Variants in LMBRD1 observed in about 807,000 individuals in gnomAD.
LMBRD1 encodes the protein LMBR1 domain containing 1, also known as lysosomal cobalamin transport escort protein LMBD1.
A neutral mutation model predicts 74.8 loss-of-function variants in LMBRD1; 64 were observed. That is an observed-to-expected ratio of 0.86 (90% CI 0.70 to 1.05). The LOEUF is 1.05. Ranked by LOEUF, LMBRD1 falls within the 50% of genes least tolerant of loss-of-function variation. The probability of loss-of-function intolerance (pLI) is 0.00; values close to 1 mark genes in which losing one functional copy is unlikely to be tolerated. For missense variants in LMBRD1, 652 were observed against 645.9 expected (o/e 1.01, Z -0.10); for synonymous variants, 204 against 216.3 (o/e 0.94, Z 0.50).
In LMBRD1 at chr6:69,699,138, T is replaced by C. The variant is rs752707378; in HGVS notation, c.1243A>G (p.Met415Val). The part of the protein sequence containing the change: ...TRPQALLFLC[M>V]ILLLIVLHTS... ...TGAAGGACAATAAGCAGAAGTATCA[T>C]GCAGAGAAAAAGGAGTGCTTGGGGC... Residue 415 changes from methionine (M) to valine (V), a missense_variant, in exon 13 of 16, where the codon ATG (methionine) becomes GTG (valine). Coordinates refer to ENST00000649934, the MANE Select transcript of LMBRD1 (RefSeq NM_018368.4). 6.2e-6 allele frequency: 10 copies of C among 1,611,434 alleles called. No homozygotes were observed. The highest frequency in any genetic ancestry group is 8.5e-6 in the Non-Finnish European group (10 of 1,177,990).
chr6:69,736,857 T>C (rs9364054), intron 7 of LMBRD1, among the ~76,000 whole-genome samples: 51,283 of 152,034 alleles, frequency 0.34, 9,718 homozygotes, highest in East Asian at 0.54. Context: ...GACTACTTCT[T>C]AAAAGACAAC....
At chr6:69,684,957 G>A (rs1765732778) in intron 14 of LMBRD1, among the ~76,000 whole-genome samples, 1 of 152,040 alleles carries the variant, frequency 6.6e-6, no homozygotes, top group Non-Finnish European at 1.5e-5. Flanking sequence ...TTAGAATGTG[G>A]TTCAATTCTA....
rs1225652209 is a variant in LMBRD1, at chr6:69,796,907, G to A, written c.-26C>T. On this transcript the variant is annotated 5_prime_UTR_variant, in exon 1 of 16. Transcript: ENST00000649934. Reference sequence around the variant, plus strand: ...CTTCGCTTCCGGTCCAGACCAACCTGAGCGCCCGGGGTGGGGAAAGGGGAG... The same window carrying A: ...CTTCGCTTCCGGTCCAGACCAACCTAAGCGCCCGGGGTGGGGAAAGGGGAG... The A allele has an allele frequency of 1.9e-6, 3 of 1,606,842 alleles. No homozygotes were observed. The highest frequency in any genetic ancestry group is 2.6e-6 in the Non-Finnish European group (3 of 1,175,388).
chr6:69,739,903 C>A (rs1395888403), intron 6 of LMBRD1, among the ~76,000 whole-genome samples: 1 of 152,118 alleles, frequency 6.6e-6, no homozygotes, highest in Non-Finnish European at 1.5e-5. Context: ...GTCAGGAGTT[C>A]GAGACCAGCC....
chr6:69,682,506 A>G (rs1436396400), intron 14 of LMBRD1, among the ~76,000 whole-genome samples: 2 of 151,958 alleles, frequency 1.3e-5, no homozygotes, highest in Non-Finnish European at 2.9e-5. Flanking sequence ...GAATGCTACT[A>G]ATTTCATTTT....
chr6:69,764,928 C>T (rs1765448292), intron 3 of LMBRD1, among the ~76,000 whole-genome samples: 4 of 143,070 alleles, frequency 2.8e-5, no homozygotes, highest in Middle Eastern at 3.6e-3. Context: ...AATTTCTTTT[C>T]TTTTTTTTTT....
At chr6:69,733,696 T>C (rs1766912136) in intron 7 of LMBRD1, among the ~76,000 whole-genome samples, 1 of 152,160 alleles carries the variant, frequency 6.6e-6, no homozygotes, top group Admixed American at 6.5e-5. Flanking sequence ...CTTTGAGTAC[T>C]TGTAGTGCTA....
intron 7 of LMBRD1, among the ~76,000 whole-genome samples, chr6:69,736,662 G>A (rs1766984945): frequency 6.6e-6 from 1 of 152,090 alleles, no homozygotes; most frequent in Non-Finnish European, 1.5e-5. Context: ...AGGTTTCAAA[G>A]CACTTTTACA....
At position 69,676,111 on chromosome 6, in the gene LMBRD1, T is replaced by A. The variant is rs1279507118; in HGVS notation, c.*47A>T. 6.9e-7 allele frequency: 1 copy of A among 1,441,678 alleles called. No individual in the cohort carries two copies. Among genetic ancestry groups the A allele is most frequent in the South Asian group, 1.1e-5 (1 of 87,222 alleles). 89.3% of individuals were successfully genotyped at this position (1,441,678 alleles called of 1,614,324 possible). ...GTTAGTTTAATACTTTAAAAATGCATAACAGATATTCAGTCAGCATTATAA... is the reference window on the plus strand; with the variant it reads ...GTTAGTTTAATACTTTAAAAATGCAAAACAGATATTCAGTCAGCATTATAA... On this transcript the variant is annotated 3_prime_UTR_variant, in exon 16 of 16. Transcript: ENST00000649934.
intron 7 of LMBRD1, among the ~76,000 whole-genome samples, chr6:69,735,429 A>G (rs1424423894): frequency 7.4e-6 from 1 of 135,040 alleles, no homozygotes; most frequent in Non-Finnish European, 1.5e-5. Context: ...CATCAACATT[A>G]TAGGAAAACA....
At chr6:69,777,950 A>T (rs1452533271) in intron 3 of LMBRD1, among the ~76,000 whole-genome samples, 2 of 152,246 alleles carry the variant, frequency 1.3e-5, no homozygotes, top group Non-Finnish European at 2.9e-5. Flanking sequence ...GCATTTGAAA[A>T]GAAACAGCTG....
intron 5 of LMBRD1, among the ~76,000 whole-genome samples, chr6:69,745,462 G>C (rs1319050830): frequency 6.6e-6 from 1 of 150,638 alleles, no homozygotes; most frequent in Non-Finnish European, 1.5e-5. Flanking sequence ...GTTTCACCTT[G>C]TTAGCCAGGA....
chr6:69,691,106 C>A (rs956626779), intron 14 of LMBRD1, among the ~76,000 whole-genome samples: 20 of 149,340 alleles, frequency 1.3e-4, no homozygotes, highest in Non-Finnish European at 2.7e-4. Flanking sequence ...CTTCAAACAA[C>A]CATTTCCATT....
Position 69,758,778 on chromosome 6 carries a change from G to A in LMBRD1, c.308-6422C>T, listed in dbSNP as rs149065509. On this transcript the variant is annotated intron_variant, in intron 3 of 15. Transcript: ENST00000649934. ...GGCAAATTCAAATATTTATTCCTGA[G>A]CTATTCCAAGCCCTTGGTCATCTTG... is the stretch of plus-strand genomic sequence containing the variant. Among the ~76,000 whole-genome samples, 718 of 152,188 alleles carry A rather than the reference G, an allele frequency of 4.7e-3. 8 individuals carry two copies. The highest frequency in any genetic ancestry group is 0.017 in the Middle Eastern group (5 of 294).
chr6:69,723,886 T>C (rs1284728194), intron 7 of LMBRD1, among the ~76,000 whole-genome samples: 1 of 151,742 alleles, frequency 6.6e-6, no homozygotes, highest in Non-Finnish European at 1.5e-5. Flanking sequence ...GTTGGTTTTT[T>C]AAAAAGAAAA....
rs562520904 is a variant in LMBRD1, at chr6:69,686,565, A to T, written c.1418-10024T>A. ...TTAGAATGTGAAATATTAAACAAAT[A>T]CTTTCTAATTAAAACCCTTAAAAAA... On this transcript the variant is annotated intron_variant, in intron 14 of 15. Transcript: ENST00000649934. Among the ~76,000 whole-genome samples, 10 of 152,304 alleles carry T rather than the reference A, an allele frequency of 6.6e-5. No individual in the cohort carries two copies. The South Asian group carries it at 1.7e-3, about 25-fold the overall frequency.
chr6:69,705,658 TATC>T (rs759919385), intron 9 of LMBRD1: 167 of 875,138 alleles, frequency 1.9e-4, no homozygotes, highest in Non-Finnish European at 2.5e-4. Flanking sequence ...TCTTCATCAT[TATC>T]ATCATCATCA....
chr6:69,693,707 T>C (rs543628328), intron 14 of LMBRD1, among the ~76,000 whole-genome samples: 2 of 152,070 alleles, frequency 1.3e-5, no homozygotes, highest in Non-Finnish European at 2.9e-5. Flanking sequence ...TATACTGCTA[T>C]ACAAGTCCCT....
chr6:69,739,663 A>G (rs1767054351), intron 6 of LMBRD1, among the ~76,000 whole-genome samples: 1 of 152,220 alleles, frequency 6.6e-6, no homozygotes, highest in Non-Finnish European at 1.5e-5. Flanking sequence ...GGTGCCTCTC[A>G]TGGGAGATGA....
Sources: allele counts gnomAD v4.1 joint callset (sites outside exome capture counted in the v4.1 genomes callset), GRCh38; gene constraint gnomAD v4.1.1; transcripts MANE v1.5; gene names NCBI Gene and HGNC (gene_info 2026-07-23, HGNC 2026-07-21).